The following PHKB variants were observed in gnomAD, a reference collection of about 807,000 sequenced individuals.
The protein encoded by PHKB is phosphorylase kinase regulatory subunit beta, also known as phosphorylase b kinase regulatory subunit beta.
A neutral mutation model predicts 152.1 loss-of-function variants in PHKB; 122 were observed. That is an observed-to-expected ratio of 0.80 (90% confidence interval 0.69 to 0.93). The LOEUF (loss-of-function observed/expected upper bound fraction) is 0.93. Ranked by LOEUF, PHKB falls within the 40% of genes least tolerant of loss-of-function variation. The pLI is 0.00. For synonymous variants in PHKB, 436 were observed against 464.9 expected, an observed-to-expected ratio of 0.94 and a Z score of 0.80; for missense variants, 1,304 against 1,328.4, an observed-to-expected ratio of 0.98 and a Z score of 0.29.
At chr16:47,484,147 A>T (rs750317795) in intron 1 of PHKB, among the ~76,000 whole-genome samples, 3 of 152,194 alleles carry the variant, frequency 2.0e-5, no homozygotes, top group Non-Finnish European at 4.4e-5. Flanking sequence ...TCAACACATG[A>T]AACATCAACC....
intron 14 of PHKB, among the ~76,000 whole-genome samples, chr16:47,621,973 T>C (rs1324638673): frequency 6.6e-6 from 1 of 152,196 alleles, no homozygotes; most frequent in African/African-American, 2.4e-5. Context: ...AATTAACCCA[T>C]TTAACCTATT....
intron 4 of PHKB, among the ~76,000 whole-genome samples, chr16:47,507,331 A>G (rs552099753): frequency 2.9e-4 from 43 of 150,564 alleles, no homozygotes; most frequent in Admixed American, 2.5e-3. Flanking sequence ...TTTTTTTCCT[A>G]TGTAGCTATG....
intron 1 of PHKB, among the ~76,000 whole-genome samples, chr16:47,480,474 T>A (rs1215798561): frequency 1.3e-5 from 2 of 152,184 alleles, no homozygotes; most frequent in Admixed American, 1.3e-4. Context: ...GATTCAACAA[T>A]ATTATGGAAT....
intron 7 of PHKB, among the ~76,000 whole-genome samples, chr16:47,567,509 C>T (rs1971589934): frequency 6.6e-6 from 1 of 152,044 alleles, no homozygotes; most frequent in East Asian, 1.9e-4. Flanking sequence ...TCCTCTTTTT[C>T]AATTTACATG....
chr16:47,558,482 G>T (rs1971420758), intron 7 of PHKB, among the ~76,000 whole-genome samples: 1 of 152,224 alleles, frequency 6.6e-6, no homozygotes, highest in African/African-American at 2.4e-5. Flanking sequence ...TGAATAACTA[G>T]TGGATAATAA....
At chr16:47,593,354 C>T (rs1056368569) in intron 10 of PHKB, 146 bp from the exon 11 acceptor site, 7 of 579,740 alleles carry the variant, frequency 1.2e-5, no homozygotes, top group Non-Finnish European at 1.8e-5. Flanking sequence ...GAAAAAGGAT[C>T]CCTTGAGCCC....
At chr16:47,630,797 G>A (rs1222051186) in intron 14 of PHKB, among the ~76,000 whole-genome samples, 1 of 152,142 alleles carries the variant, frequency 6.6e-6, no homozygotes, top group Admixed American at 6.5e-5. Context: ...ATGGGAATGG[G>A]CCTCATCCAA....
chr16:47,503,185 T>G, intron 4 of PHKB, 95 bp downstream of exon 4: 1 of 918,526 alleles, frequency 1.1e-6, no homozygotes, highest in African/African-American at 1.6e-5. Flanking sequence ...AGAATGTACT[T>G]TTCAAAGGGA....
intron 7 of PHKB, among the ~76,000 whole-genome samples, chr16:47,559,105 A>G (rs1971432626): frequency 6.6e-6 from 1 of 152,192 alleles, no homozygotes; most frequent in African/African-American, 2.4e-5. Flanking sequence ...GTAAGTTTTT[A>G]TGCATTGGGG....
At position 47,502,982 on chromosome 16, in the gene PHKB, C is replaced by G; in HGVS notation, c.306-9C>G. ...CCAATTAGTTTCATGAGTTATCTCTCTCACCCAGGCGAATTGATGATGACA... is the reference window on the plus strand; with the variant it reads ...CCAATTAGTTTCATGAGTTATCTCTGTCACCCAGGCGAATTGATGATGACA... On this transcript the variant is annotated splice_polypyrimidine_tract_variant and intron_variant, in intron 3 of 30. Transcript: ENST00000323584. The G allele has an allele frequency of 6.3e-7, 1 of 1,589,574 alleles. No individual in the cohort carries two copies. Among genetic ancestry groups the G allele is most frequent in the Non-Finnish European group, 8.6e-7 (1 of 1,157,736 alleles).
At chr16:47,558,024 C>A (rs1372497898) in intron 7 of PHKB, among the ~76,000 whole-genome samples, 2 of 150,960 alleles carry the variant, frequency 1.3e-5, no homozygotes, top group Non-Finnish European at 3.0e-5. Flanking sequence ...GAAAATGTGG[C>A]ACATATACAC....
In PHKB at chr16:47,499,914, C is replaced by T. The variant is rs749948013; in HGVS notation, c.305+20C>T. ...ATACAGGTGAGCTGGTGTGTGTTCT[C>T]CTCGTAACTTTGAGAGTGGATAATA... On this transcript the variant is annotated intron_variant, in intron 3 of 30. Coordinates refer to ENST00000323584, the MANE Select transcript of PHKB (RefSeq NM_000293.3). 6.2e-7 allele frequency: 1 copy of T among 1,613,890 alleles called. No homozygotes were observed. The highest frequency in any genetic ancestry group is 8.5e-7 in the Non-Finnish European group (1 of 1,179,906).
At chr16:47,580,558 TAA>T (rs57329634) in intron 8 of PHKB, among the ~76,000 whole-genome samples, 200 bp downstream of exon 8, 28 of 131,842 alleles carry the variant, frequency 2.1e-4, no homozygotes, top group Admixed American at 7.5e-4. Context: ...TTAATTTCTT[TAA>T]AAAAAAAAAA....
At chr16:47,678,186 TG>T (rs1458309470) in intron 26 of PHKB, among the ~76,000 whole-genome samples, 2 of 152,066 alleles carry the variant, frequency 1.3e-5, no homozygotes, top group African/African-American at 4.8e-5. Flanking sequence ...ACATTTGGGT[TG>T]GTTCCAAGTC....
At chr16:47,463,725 C>G in intron 1 of PHKB, 2 of 578,874 alleles carry the variant, frequency 3.5e-6, no homozygotes, top group Non-Finnish European at 6.2e-6. Context: ...TGTAATTTAT[C>G]AAAGCAAAGA....
intron 6 of PHKB, among the ~76,000 whole-genome samples, chr16:47,532,134 A>G (rs1370913991): frequency 6.6e-6 from 1 of 152,260 alleles, no homozygotes; most frequent in African/African-American, 2.4e-5. Context: ...AACCCCGATC[A>G]TATGCCACTT....
intron 6 of PHKB, among the ~76,000 whole-genome samples, chr16:47,518,307 T>C (rs1331057401): frequency 6.6e-6 from 1 of 152,206 alleles, no homozygotes; most frequent in Non-Finnish European, 1.5e-5. Flanking sequence ...TGTAATGAAA[T>C]ATAGGTACTG....
At position 47,661,677 on chromosome 16, in the gene PHKB, A is replaced by T; in HGVS notation, c.2197-42A>T. 5 of 1,282,124 alleles carry T rather than the reference A, an allele frequency of 3.9e-6. No individual in the cohort carries two copies. In the South Asian group the frequency reaches 5.9e-5, roughly 15 times the overall value. The allele number at this position is 1,282,124 out of a possible 1,614,324, so 79.4% of individuals were successfully genotyped here. ...AGTTACCCTCTGTGGTAACTGCTGT[A>T]CCCATTTCATTCCAGTTCCTCACCG... On this transcript the variant is annotated intron_variant, in intron 22 of 30. Transcript: ENST00000323584.
chr16:47,647,903 T>C (rs1350326364), intron 16 of PHKB, among the ~76,000 whole-genome samples: 1 of 152,220 alleles, frequency 6.6e-6, no homozygotes, highest in African/African-American at 2.4e-5. Context: ...TTGACCTGTG[T>C]ATAATATGAG....
Sources: gnomAD v4.1 joint callset for allele counts (sites outside exome capture counted in the v4.1 genomes callset) on GRCh38, gnomAD v4.1.1 for gene constraint, MANE v1.5 for transcripts, NCBI Gene and HGNC (gene_info 2026-07-23, HGNC 2026-07-21) for gene names.